The following LRP1B variants were observed in gnomAD, a reference collection of about 807,000 sequenced individuals.
The protein encoded by LRP1B is low-density lipoprotein receptor-related protein 1B.
Under a neutral mutation model 556.6 loss-of-function variants are expected in LRP1B, and 217 were observed. The ratio of observed to expected loss-of-function variants is 0.39; its 90% confidence interval spans 0.35 to 0.44. LRP1B has a LOEUF of 0.44. LRP1B is among the 20% of genes least tolerant of loss of function. LRP1B has a pLI of 1.00. For missense variants in LRP1B, 5,053 were observed against 5,620.8 expected, an observed-to-expected ratio of 0.90 and a Z score of 3.23; for synonymous variants, 2,047 against 1,865.8, an observed-to-expected ratio of 1.10 and a Z score of -2.50.
At chr2:140,713,248 G>C (rs1203904154) in intron 37 of LRP1B, among the ~76,000 whole-genome samples, 1 of 151,790 alleles carries the variant, frequency 6.6e-6, no homozygotes, top group African/African-American at 2.4e-5. Flanking sequence ...ATTAATTTTA[G>C]AGCACATTCT....
At chr2:141,474,653 T>G (rs1336589892) in intron 3 of LRP1B, among the ~76,000 whole-genome samples, 1 of 152,176 alleles carries the variant, frequency 6.6e-6, no homozygotes, top group African/African-American at 2.4e-5. Context: ...TATGCATTAT[T>G]TTAAGGAGTT....
chr2:141,067,011 G>A (rs75311791), intron 7 of LRP1B, among the ~76,000 whole-genome samples: 2,418 of 151,884 alleles, frequency 0.016, 61 homozygotes, highest in African/African-American at 0.055. Flanking sequence ...AAAATGATAC[G>A]TATTTTCCTC....
intron 21 of LRP1B, among the ~76,000 whole-genome samples, chr2:140,918,794 C>T (rs899514760): frequency 6.6e-6 from 1 of 152,010 alleles, no homozygotes; most frequent in African/African-American, 2.4e-5. Context: ...ATCTGCAAAC[C>T]AGGAAGAGTG....
Position 140,769,358 on chromosome 2 carries a change from C to G in LRP1B, c.5627-14G>C, listed in dbSNP as rs752594124. 1.3e-6 allele frequency: 2 copies of G among 1,580,380 alleles called. No homozygotes were observed. The highest frequency in any genetic ancestry group is 2.7e-5 in the African/African-American group (2 of 73,612). On this transcript the variant is annotated splice_polypyrimidine_tract_variant and intron_variant, in intron 34 of 90. Coordinates refer to ENST00000389484, the MANE Select transcript of LRP1B (RefSeq NM_018557.3). The stretch of plus-strand genomic sequence containing the variant: ...ATGATTCTATACCTAAATGCAGGGC[C>G]GGAGATAAGGGGGGGAAGGGAAGCC...
intron 1 of LRP1B, among the ~76,000 whole-genome samples, chr2:141,973,364 G>A (rs1211534136): frequency 6.6e-6 from 1 of 151,658 alleles, no homozygotes; most frequent in Non-Finnish European, 1.5e-5. Flanking sequence ...TACGAAATAG[G>A]CAGCTGTACT....
chr2:140,607,664 CGT>C (rs1682919983), intron 41 of LRP1B, among the ~76,000 whole-genome samples: 3 of 150,428 alleles, frequency 2.0e-5, no homozygotes, highest in South Asian at 4.2e-4. Context: ...CACACATAGA[CGT>C]GTGTGTGTAT....
At chr2:141,842,019 C>T (rs1697494307) in intron 1 of LRP1B, among the ~76,000 whole-genome samples, 1 of 152,132 alleles carries the variant, frequency 6.6e-6, no homozygotes, top group Admixed American at 6.5e-5. Context: ...AAATCTAAGA[C>T]ATTTGTATCC....
At chr2:141,558,180 A>G (rs1192286765) in intron 2 of LRP1B, among the ~76,000 whole-genome samples, 2 of 151,838 alleles carry the variant, frequency 1.3e-5, no homozygotes, top group East Asian at 3.9e-4. Flanking sequence ...TAGTCTTTAG[A>G]GTACTTTTAA....
At chr2:141,703,561 C>A (rs532645729) in intron 2 of LRP1B, among the ~76,000 whole-genome samples, 2 of 152,018 alleles carry the variant, frequency 1.3e-5, no homozygotes, top group Admixed American at 6.6e-5. Context: ...TTTGGATTGT[C>A]GGCTCATTCT....
intron 2 of LRP1B, among the ~76,000 whole-genome samples, chr2:141,619,028 C>T (rs759737344): frequency 6.6e-6 from 1 of 152,252 alleles, no homozygotes; most frequent in South Asian, 2.1e-4. Context: ...TATGATCTCC[C>T]AAGGCTGTCT....
chr2:141,464,443 C>T (rs1357236538), intron 3 of LRP1B, among the ~76,000 whole-genome samples: 2 of 150,032 alleles, frequency 1.3e-5, no homozygotes, highest in African/African-American at 2.5e-5. Flanking sequence ...GACGGAGTCT[C>T]GCTCTGTACC....
At chr2:140,787,741 C>A (rs564949847) in intron 32 of LRP1B, among the ~76,000 whole-genome samples, 74 of 151,432 alleles carry the variant, frequency 4.9e-4, no homozygotes, top group Admixed American at 1.8e-3. Context: ...CAGTTAATTT[C>A]TTTTTTATTT....
At chr2:141,702,439 C>A (rs1219612965) in intron 2 of LRP1B, among the ~76,000 whole-genome samples, 1 of 151,828 alleles carries the variant, frequency 6.6e-6, no homozygotes, top group African/African-American at 2.4e-5. Context: ...AATGAGATCT[C>A]TTCTGATTTT....
At chr2:141,792,038 T>C (rs1695632157) in intron 2 of LRP1B, among the ~76,000 whole-genome samples, 2 of 105,910 alleles carry the variant, frequency 1.9e-5, no homozygotes, top group South Asian at 3.2e-4. Context: ...ATTCCATTCA[T>C]TTTTCAAGTC....
At chr2:141,708,166 G>A (rs773707086) in intron 2 of LRP1B, among the ~76,000 whole-genome samples, 10 of 151,870 alleles carry the variant, frequency 6.6e-5, no homozygotes, top group Admixed American at 2.0e-4. Context: ...AATGGCACAC[G>A]TTTACCTATG....
At chr2:141,160,208 T>C (rs1679949904) in intron 7 of LRP1B, among the ~76,000 whole-genome samples, 1 of 152,116 alleles carries the variant, frequency 6.6e-6, no homozygotes, top group Non-Finnish European at 1.5e-5. Flanking sequence ...AAAACTATAA[T>C]AACATTCTAC....
chr2:142,063,692 T>C (rs987347209), intron 1 of LRP1B, among the ~76,000 whole-genome samples: 5 of 151,594 alleles, frequency 3.3e-5, no homozygotes, highest in African/African-American at 9.7e-5. Flanking sequence ...AACTTAACTT[T>C]GAAGGAAACC....
In LRP1B at chr2:141,517,029, A is replaced by AAAAAAAAAAAAAAAAAAAC. The variant is rs772472942; in HGVS notation, c.206-36497_206-36496insGTTTTTTTTTTTTTTTTTT. 1.6e-4 allele frequency among the ~76,000 whole-genome samples: 14 copies of AAAAAAAAAAAAAAAAAAAC among 90,176 alleles called. 3 individuals are homozygous for AAAAAAAAAAAAAAAAAAAC. Among genetic ancestry groups the AAAAAAAAAAAAAAAAAAAC allele is most frequent in the Admixed American group, 3.2e-4 (2 of 6,194 alleles). The allele number at this position is 90,176 out of a possible 152,430, so 59.2% of individuals were successfully genotyped here. On this transcript the variant is annotated intron_variant, in intron 2 of 90. Transcript: ENST00000389484. ...TAAAAAAAAAAAAAAAAAAAAAAAA[A>AAAAAAAAAAAAAAAAAAAC]AAAGTAAATCAATGAAATAATTTAA... is the stretch of plus-strand genomic sequence containing the variant.
intron 1 of LRP1B, among the ~76,000 whole-genome samples, chr2:142,034,338 G>T (rs1198417077): frequency 6.6e-6 from 1 of 151,336 alleles, no homozygotes; most frequent in Non-Finnish European, 1.5e-5. Flanking sequence ...TTCCATTTTT[G>T]CTTTACCTCT....
Sources: gnomAD v4.1 joint callset for allele counts (sites outside exome capture counted in the v4.1 genomes callset) on GRCh38, gnomAD v4.1.1 for gene constraint, MANE v1.5 for transcripts, NCBI Gene and HGNC (gene_info 2026-07-23, HGNC 2026-07-21) for gene names.